The following CHRM3 variants were observed in gnomAD, a reference collection of about 807,000 sequenced individuals.
CHRM3 encodes the protein muscarinic acetylcholine receptor M3.
Under a neutral mutation model 41.8 loss-of-function variants are expected in CHRM3, and 11 were observed. The ratio of observed to expected loss-of-function variants is 0.26; its 90% CI spans 0.17 to 0.44. The LOEUF (loss-of-function observed/expected upper bound fraction) is 0.44, where lower values mean the gene tolerates loss of function less well. CHRM3 is among the 20% of genes least tolerant of loss of function. The pLI, the probability that CHRM3 is intolerant of heterozygous loss-of-function variation, is 1.00. For missense variants in CHRM3, 571 were observed against 745.4 expected (o/e 0.77, Z 2.72); for synonymous variants, 297 against 301.4 (o/e 0.99, Z 0.15).
chr1:239,574,435 C>T (rs551215636), intron 3 of CHRM3, among the ~76,000 whole-genome samples: 4 of 152,136 alleles, frequency 2.6e-5, no homozygotes, highest in Admixed American at 2.6e-4. Context: ...CAGCGCTGGG[C>T]CTGGAGCACT....
intron 3 of CHRM3, among the ~76,000 whole-genome samples, chr1:239,554,729 CTTT>C (rs750207504): frequency 2.4e-5 from 3 of 122,974 alleles, no homozygotes; most frequent in Non-Finnish European, 5.0e-5. Flanking sequence ...GTATTTCTTT[CTTT>C]TTTTTTTTTT....
At chr1:239,664,628 C>T (rs964629650) in intron 4 of CHRM3, among the ~76,000 whole-genome samples, 21 of 152,116 alleles carry the variant, frequency 1.4e-4, no homozygotes, top group Non-Finnish European at 2.6e-4. Context: ...TGCGGCCATA[C>T]CTGGGAGTTG....
chr1:239,885,224 T>C (rs1159317838), intron 6 of CHRM3, among the ~76,000 whole-genome samples: 1 of 152,224 alleles, frequency 6.6e-6, no homozygotes. Flanking sequence ...GGAAAACATG[T>C]GATAGTCCTC....
intron 5 of CHRM3, among the ~76,000 whole-genome samples, chr1:239,768,597 TCTC>T (rs1475146794): frequency 6.6e-6 from 1 of 152,114 alleles, no homozygotes; most frequent in African/African-American, 2.4e-5. Context: ...GATTTGGAAT[TCTC>T]CTTTTTTCCT....
At chr1:239,670,301 A>G (rs560411412) in intron 4 of CHRM3, among the ~76,000 whole-genome samples, 1 of 152,134 alleles carries the variant, frequency 6.6e-6, no homozygotes, top group African/African-American at 2.4e-5. Flanking sequence ...TTTCTGGCCC[A>G]TAGTCTCTAT....
At chr1:239,565,788 A>G (rs891013487) in intron 3 of CHRM3, among the ~76,000 whole-genome samples, 1 of 152,126 alleles carries the variant, frequency 6.6e-6, no homozygotes, top group Non-Finnish European at 1.5e-5. Flanking sequence ...AAATAAAATA[A>G]CACCTCTGAT....
At position 239,643,709 on chromosome 1, in the gene CHRM3, C is replaced by T. The variant is rs187295605; in HGVS notation, c.-250+11423C>T. ...GACTAGAAAAGGGAACTCCCTGACT[C>T]CTTGCGCTTCCCAAGTGAGGCAATG... On this transcript the variant is annotated intron_variant, in intron 4 of 6. Transcript: ENST00000676153. 4.6e-5 allele frequency among the ~76,000 whole-genome samples: 7 copies of T among 152,332 alleles called. No homozygotes were observed. In the East Asian group the frequency reaches 9.7e-4, roughly 21 times the overall value.
intron 2 of CHRM3, among the ~76,000 whole-genome samples, chr1:239,508,332 C>T (rs1392957019): frequency 9.9e-5 from 15 of 152,110 alleles, no homozygotes; most frequent in Non-Finnish European, 1.5e-5. Context: ...GGTAAATTAT[C>T]ATGAATGTCA....
At chr1:239,801,042 C>T (rs1003919810) in intron 5 of CHRM3, among the ~76,000 whole-genome samples, 4 of 152,018 alleles carry the variant, frequency 2.6e-5, no homozygotes, top group African/African-American at 7.2e-5. Context: ...AATGAGGAAA[C>T]GGGGTGCCAG....
At chr1:239,627,293 A>C (rs1184738165) in intron 3 of CHRM3, among the ~76,000 whole-genome samples, 1 of 133,256 alleles carries the variant, frequency 7.5e-6, no homozygotes, top group African/African-American at 2.9e-5. Context: ...TGTTGGTTTA[A>C]AGTCTGTTTT....
At chr1:239,614,182 T>C (rs1428599914) in intron 3 of CHRM3, among the ~76,000 whole-genome samples, 2 of 151,874 alleles carry the variant, frequency 1.3e-5, no homozygotes, top group Non-Finnish European at 2.9e-5. Context: ...ATAATGATAA[T>C]AATAACAAAT....
chr1:239,757,499 G>A (rs112176730), intron 5 of CHRM3, among the ~76,000 whole-genome samples: 3,818 of 151,996 alleles, frequency 0.025, 135 homozygotes, highest in East Asian at 0.14. Flanking sequence ...GCGTGGTGGC[G>A]AGCCCCTGTA....
intron 3 of CHRM3, among the ~76,000 whole-genome samples, chr1:239,577,029 C>T (rs1450083554): frequency 6.6e-6 from 1 of 152,156 alleles, no homozygotes; most frequent in Non-Finnish European, 1.5e-5. Flanking sequence ...TCAGAATTTT[C>T]TAGACCATTT....
intron 5 of CHRM3, among the ~76,000 whole-genome samples, chr1:239,681,710 C>T (rs556276666): frequency 2.6e-5 from 4 of 152,146 alleles, no homozygotes; most frequent in East Asian, 1.9e-4. Context: ...CTGAGCTGAA[C>T]GTAGTGACAT....
chr1:239,539,776 G>A (rs567963532), intron 2 of CHRM3, among the ~76,000 whole-genome samples: 182 of 100,806 alleles, frequency 1.8e-3, no homozygotes, highest in Non-Finnish European at 3.1e-3. Context: ...GACCATGCCC[G>A]GCTAATTTTG....
At chr1:239,573,757 G>A (rs1167189093) in intron 3 of CHRM3, among the ~76,000 whole-genome samples, 1 of 151,998 alleles carries the variant, frequency 6.6e-6, no homozygotes, top group African/African-American at 2.4e-5. Context: ...CAAAAAGCAA[G>A]CATTTTGTGT....
At chr1:239,874,274 C>CTATATACACAGTATATATATATATATATA (rs1558198798) in intron 6 of CHRM3, among the ~76,000 whole-genome samples, 23 of 92,676 alleles carry the variant, frequency 2.5e-4, no homozygotes, top group African/African-American at 1.2e-3. Flanking sequence ...CTATATATAT[C>CTATATACACAGTATATATATATATATATA]TATATACACA....
At chr1:239,811,656 T>C (rs1234423881) in intron 5 of CHRM3, among the ~76,000 whole-genome samples, 2 of 152,228 alleles carry the variant, frequency 1.3e-5, no homozygotes, top group Non-Finnish European at 2.9e-5. Flanking sequence ...GCTGGTTTCA[T>C]TGGCTGCCTA....
At chr1:239,667,043 G>A (rs1673878135) in intron 4 of CHRM3, among the ~76,000 whole-genome samples, 2 of 152,016 alleles carry the variant, frequency 1.3e-5, no homozygotes, top group South Asian at 2.1e-4. Context: ...TTCTTAATCT[G>A]CATCTCTTCT....
Sources: gnomAD v4.1 joint callset for allele counts (sites outside exome capture counted in the v4.1 genomes callset) on GRCh38, gnomAD v4.1.1 for gene constraint, MANE v1.5 for transcripts, NCBI Gene and HGNC (gene_info 2026-07-23, HGNC 2026-07-21) for gene names.